The following TAAR8 variants were observed in gnomAD, a reference collection of about 807,000 sequenced individuals.
The protein encoded by TAAR8 is trace amine associated receptor 8.
For missense variants in TAAR8, 459 were observed against 405.8 expected (o/e 1.13, Z -1.13); for synonymous variants, 157 against 152.7 (o/e 1.03, Z -0.21).
In TAAR8 at chr6:132,553,179, A is replaced by G. The variant is rs769553462; in HGVS notation, c.487A>G (p.Ser163Gly). The change falls in exon 1 of 1, where the codon AGC becomes GGC. Residue 163 changes from serine (S) to glycine (G), a missense_variant. Physicochemically the swap from Ser to Gly is moderately conservative, Grantham distance 56. Transcript: ENST00000275200. Reference sequence around the variant, plus strand: ...GTCCTGGATTCTGCCTCTCACGTACAGCGGTGCTGTGTTCTACACAGGTGT... The same window carrying G: ...GTCCTGGATTCTGCCTCTCACGTACGGCGGTGCTGTGTTCTACACAGGTGT... The G allele has an allele frequency of 2.0e-5, 32 of 1,614,112 alleles. No homozygotes were observed. The South Asian group carries it at 3.4e-4, about 17-fold the overall frequency.
Position 132,553,410 on chromosome 6 carries a change from T to C in TAAR8, c.718T>C (p.Ser240Pro), listed in dbSNP as rs371950954. The C allele has an allele frequency of 8.1e-6, 13 of 1,614,050 alleles. No homozygotes were observed. In the African/African-American group the frequency reaches 1.7e-4, roughly 22 times the overall value. Residue 240 changes from serine to proline, a missense_variant, in exon 1 of 1, where the codon TCC becomes CCC. Coordinates refer to ENST00000275200, the Ensembl canonical transcript of TAAR8. Reference sequence around the variant, plus strand: ...AACTACTAGTAGCAAAGTAGAATCATCCTCAGAGAGTTATAAAATCAGAGT... The same window carrying C: ...AACTACTAGTAGCAAAGTAGAATCACCCTCAGAGAGTTATAAAATCAGAGT...
Sources: gnomAD v4.1 joint callset for allele counts on GRCh38, gnomAD v4.1.1 for gene constraint, MANE v1.5 for transcripts, NCBI Gene and HGNC (gene_info 2026-07-23, HGNC 2026-07-21) for gene names.